The following EHMT1 variants were observed in gnomAD, a reference collection of about 807,000 sequenced individuals.
EHMT1 encodes the protein euchromatic histone lysine methyltransferase 1.
Under a neutral mutation model 147.2 loss-of-function variants are expected in EHMT1, and 15 were observed. The observed-to-expected ratio is 0.10, with a 90% CI of 0.07 to 0.16. The LOEUF (loss-of-function observed/expected upper bound fraction) is 0.16. EHMT1 is among the 10% of genes least tolerant of loss of function. EHMT1 has a pLI of 1.00. For missense variants in EHMT1, 1,587 were observed against 1,772.4 expected (o/e 0.90, Z 1.88); for synonymous variants, 795 against 709.6 (o/e 1.12, Z -1.91).
At chr9:137,690,506 CAAA>C (rs34887611) in intron 1 of EHMT1, among the ~76,000 whole-genome samples, 26 of 91,146 alleles carry the variant, frequency 2.9e-4, no homozygotes, top group Admixed American at 4.3e-4. Flanking sequence ...GACCCTGTCT[CAAA>C]AAAAAAAAAA....
chr9:137,623,574 C>T (rs1181878586), intron 1 of EHMT1, among the ~76,000 whole-genome samples: 2 of 152,016 alleles, frequency 1.3e-5, no homozygotes, highest in Non-Finnish European at 2.9e-5. Flanking sequence ...GCTACCACGC[C>T]TGTGCCTGGC....
intron 4 of EHMT1, among the ~76,000 whole-genome samples, chr9:137,730,458 A>C (rs1451122962): frequency 1.3e-5 from 2 of 151,832 alleles, no homozygotes; most frequent in Middle Eastern, 3.2e-3. Flanking sequence ...AAAAAAAAAA[A>C]CTTAAAAAAA....
intron 10 of EHMT1, chr9:137,764,648 A>G (rs1440363989): frequency 6.6e-6 from 1 of 152,100 alleles, no homozygotes; most frequent in Non-Finnish European, 1.5e-5. Context: ...AAAAATAACA[A>G]TTTCCTGTTA....
chr9:137,741,572 T>C (rs1288880364), intron 4 of EHMT1, among the ~76,000 whole-genome samples: 2 of 152,134 alleles, frequency 1.3e-5, no homozygotes, highest in African/African-American at 2.4e-5. Flanking sequence ...TAACCATGGG[T>C]TACTGAGATG....
In EHMT1 at chr9:137,776,104, T is replaced by G. The variant is rs1486041875; in HGVS notation, c.1792-514T>G. Among the ~76,000 whole-genome samples the G allele has an allele frequency of 6.6e-6, 1 of 152,188 alleles. No individual in the cohort carries two copies. The highest frequency in any genetic ancestry group is 1.9e-4 in the East Asian group (1 of 5,192). On this transcript the variant is annotated intron_variant, in intron 11 of 26. Transcript: ENST00000460843. The surrounding 1 kb of genome is among the most constrained non-coding windows in gnomAD (Gnocchi z 4.4). ...GTCCTCCCCATCTTCAAACATCCTT[T>G]TTTTGGTTCTGCTACATCTGTTTAT...
chr9:137,759,766 C>T (rs10867059), intron 9 of EHMT1, among the ~76,000 whole-genome samples: 43,468 of 151,996 alleles, frequency 0.29, 6,631 homozygotes, highest in Admixed American at 0.41. Flanking sequence ...TGGTGCTGGC[C>T]GTGTGGCCCG....
chr9:137,633,908 G>A (rs1843794372), intron 1 of EHMT1, among the ~76,000 whole-genome samples: 1 of 151,716 alleles, frequency 6.6e-6, no homozygotes, highest in Non-Finnish European at 1.5e-5. Context: ...CCGCCTCCCG[G>A]GTTCAAGCGA....
intron 1 of EHMT1, among the ~76,000 whole-genome samples, chr9:137,627,611 C>T (rs754291708): frequency 7.9e-5 from 12 of 152,146 alleles, no homozygotes; most frequent in African/African-American, 1.2e-4. Flanking sequence ...AGGCGTGAGC[C>T]GCCGCGCCCG....
At chr9:137,622,774 G>GT (rs34586912) in intron 1 of EHMT1, among the ~76,000 whole-genome samples, 1 of 151,968 alleles carries the variant, frequency 6.6e-6, no homozygotes, top group African/African-American at 2.4e-5. Context: ...TGTGGTGGTG[G>GT]TATGTGCCTG....
chr9:137,800,765 C>T (rs142546095), intron 17 of EHMT1, 115 bp from the exon 18 acceptor site: 4 of 849,142 alleles, frequency 4.7e-6, no homozygotes, highest in African/African-American at 3.4e-5. Flanking sequence ...GAGTGAGACG[C>T]CTGCACGAGG....
chr9:137,719,832 C>T (rs1378220990), intron 3 of EHMT1, among the ~76,000 whole-genome samples: 1 of 151,738 alleles, frequency 6.6e-6, no homozygotes, highest in Non-Finnish European at 1.5e-5. Context: ...ACCCCCTCCA[C>T]ACCAGGACAC....
chr9:137,669,280 G>C (rs1051101539), intron 1 of EHMT1, among the ~76,000 whole-genome samples: 1 of 116,990 alleles, frequency 8.5e-6, no homozygotes, highest in Non-Finnish European at 1.8e-5. Context: ...CTGGGTGCTG[G>C]TCTCCTGCTT....
chr9:137,738,320 T>G (rs1947738758), intron 4 of EHMT1, among the ~76,000 whole-genome samples: 1 of 152,038 alleles, frequency 6.6e-6, no homozygotes, highest in Non-Finnish European at 1.5e-5. Flanking sequence ...TCAACGTCAC[T>G]AATCATAAGG....
At chr9:137,716,544 T>C (rs1945312828) in intron 2 of EHMT1, 82 bp from the exon 3 acceptor site, 2 of 1,315,942 alleles carry the variant, frequency 1.5e-6, no homozygotes, top group East Asian at 4.8e-5. Flanking sequence ...GGTGGTGTCA[T>C]GGTGGGGGAG....
In EHMT1 at chr9:137,757,991, T is replaced by A. The variant is rs1344004596; in HGVS notation, c.1481T>A (p.Ile494Asn). 12 of 1,614,042 alleles carry A rather than the reference T, an allele frequency of 7.4e-6. No homozygotes were observed. Among genetic ancestry groups the A allele is most frequent in the Middle Eastern group, 1.6e-4 (1 of 6,062 alleles). ...TCCCTGGATCTCCGAGTCAAAGGAA[T>A]TCTGTCTTCACAAGCAGAAGGTGAA... ...LDSLDLRVKG[I>N]LSSQAEGLAN... is the part of the protein sequence containing the mutation. The change falls in exon 9 of 27, where the codon ATT (isoleucine) becomes AAT (asparagine). Residue 494 changes from isoleucine to asparagine, a missense_variant. Ile to Asn is a moderately radical substitution (Grantham distance 149). Around this residue, in one of 7 missense-constraint regions of EHMT1, gnomAD observed 810 missense variants for 673.0 expected, o/e 1.20. Transcript: ENST00000460843.
chr9:137,782,405 G>A lies in EHMT1; in HGVS notation c.2382+8G>A, dbSNP rs746771278. 20 of 1,602,940 alleles carry A rather than the reference G, an allele frequency of 1.2e-5. No homozygotes were observed. Among genetic ancestry groups the A allele is most frequent in the African/African-American group, 4.0e-5 (3 of 74,606 alleles). On this transcript the variant is annotated splice_region_variant and intron_variant, in intron 15 of 26. Coordinates refer to ENST00000460843, the MANE Select transcript of EHMT1 (RefSeq NM_024757.5). This position sits in a 1 kb window ranked among gnomAD's most constrained non-coding sequence, Gnocchi z 5.7. ...TGCCACATGCTGGTTCAGGTGCGGCGGCACGGCGCCCTCCTAGGGCTCTTC... is the reference window on the plus strand; with the variant it reads ...TGCCACATGCTGGTTCAGGTGCGGCAGCACGGCGCCCTCCTAGGGCTCTTC...
intron 25 of EHMT1, among the ~76,000 whole-genome samples, chr9:137,824,563 T>G (rs1955678806): frequency 6.6e-6 from 1 of 152,186 alleles, no homozygotes; most frequent in African/African-American, 2.4e-5. Context: ...GAATTTTTGC[T>G]GAGACTGCAC....
chr9:137,727,337 G>T (rs533504380), intron 3 of EHMT1, among the ~76,000 whole-genome samples: 1 of 152,070 alleles, frequency 6.6e-6, no homozygotes, highest in African/African-American at 2.4e-5. Context: ...TCTGTTGCCT[G>T]TACTTTTGGT....
chr9:137,784,250 G>A (rs1951788906), intron 15 of EHMT1: 1 of 1,531,194 alleles, frequency 6.5e-7, no homozygotes, highest in African/African-American at 1.4e-5. Flanking sequence ...GCCGCCCACA[G>A]GGAGCAGGTC....
Sources: gnomAD v4.1 joint callset for allele counts (sites outside exome capture counted in the v4.1 genomes callset) on GRCh38, gnomAD v4.1.1 for gene constraint, gnomAD v4.1.1 regional missense constraint, Gnocchi (gnomAD v3.1) non-coding constraint, MANE v1.5 for transcripts, NCBI Gene and HGNC (gene_info 2026-07-23, HGNC 2026-07-21) for gene names.